Variants in NCOA2 observed in about 807,000 individuals in gnomAD.
NCOA2 encodes the protein class E basic helix-loop-helix protein 75.
A neutral mutation model predicts 145.1 loss-of-function variants in NCOA2; 21 were observed. The ratio of observed to expected loss-of-function variants is 0.14; its 90% confidence interval spans 0.10 to 0.21. The LOEUF is 0.21. Ranked by LOEUF, NCOA2 falls within the 10% of genes least tolerant of loss-of-function variation. The pLI, the probability that NCOA2 is intolerant of heterozygous loss-of-function variation, is 1.00. For missense variants in NCOA2, 1,472 were observed against 1,837.6 expected, an observed-to-expected ratio of 0.80 and a Z score of 3.64; for synonymous variants, 619 against 637.5, an observed-to-expected ratio of 0.97 and a Z score of 0.44.
chr8:70,414,541 T>A, the NCOA2 span, among the ~76,000 whole-genome samples: 1 of 152,188 alleles, frequency 6.6e-6, no homozygotes, highest in African/African-American at 2.4e-5. Context: ...CCCATCTTCA[T>A]CTATACATGT....
At chr8:70,273,795 G>C (rs998909864) in intron 2 of NCOA2, 16 of 580,318 alleles carry the variant, frequency 2.8e-5, no homozygotes, top group Non-Finnish European at 5.0e-5. Flanking sequence ...TGAAGTTCCA[G>C]ATCTTGTGGA....
At chr8:70,188,776 T>C (rs562584334) in intron 4 of NCOA2, among the ~76,000 whole-genome samples, 30 of 152,302 alleles carry the variant, frequency 2.0e-4, no homozygotes, top group Non-Finnish European at 3.2e-4. Flanking sequence ...TGTGAGAGAA[T>C]AGAAATGGAA....
chr8:70,131,935 C>G lies in NCOA2; in HGVS notation c.3226G>C (p.Glu1076Gln). The change falls in exon 16 of 23, where the codon GAG becomes CAG. Residue 1076 changes from glutamate (E) to glutamine (Q), a missense_variant. This residue lies in a region of NCOA2 where 953 missense variants were observed against 1,062.1 expected (regional missense o/e 0.90). Transcript: ENST00000452400. ...PHPAAESPSD[E>Q]GALLDQLYLA... ...TACAGCTGGTCCAGGAGAGCTCCCT[C>G]ATCACTCGGAGACTCAGCTGCAGGA... 1 of 1,611,122 alleles carries G rather than the reference C, an allele frequency of 6.2e-7. No homozygotes were observed.
intron 2 of NCOA2, among the ~76,000 whole-genome samples, chr8:70,287,670 A>G (rs971869146): frequency 6.6e-6 from 1 of 152,238 alleles, no homozygotes; most frequent in African/African-American, 2.4e-5. Flanking sequence ...ACGAAACAGC[A>G]TAATATCATT....
chr8:70,114,429 T>C (rs1220805098), intron 22 of NCOA2, among the ~76,000 whole-genome samples: 1 of 152,212 alleles, frequency 6.6e-6, no homozygotes, highest in African/African-American at 2.4e-5. Flanking sequence ...GTTTCTTTGG[T>C]TGGTGCAAAT....
intron 21 of NCOA2, among the ~76,000 whole-genome samples, chr8:70,122,254 C>T (rs936822414): frequency 1.3e-4 from 20 of 151,980 alleles, no homozygotes; most frequent in African/African-American, 4.8e-5. Context: ...TATAAACACA[C>T]GCATATATTT....
At chr8:70,384,804 G>A (rs754253063) in intron 1 of NCOA2, among the ~76,000 whole-genome samples, 7 of 152,094 alleles carry the variant, frequency 4.6e-5, no homozygotes, top group Non-Finnish European at 1.0e-4. Context: ...GAAACCACAG[G>A]AATGTAACAG....
At chr8:70,325,771 G>A (rs1160315063) in intron 1 of NCOA2, among the ~76,000 whole-genome samples, 3 of 152,038 alleles carry the variant, frequency 2.0e-5, no homozygotes, top group African/African-American at 7.2e-5. Flanking sequence ...GTTCTTTATC[G>A]AGGCTAAAAT....
intron 15 of NCOA2, among the ~76,000 whole-genome samples, chr8:70,136,233 G>A (rs1809717092): frequency 6.6e-6 from 1 of 151,890 alleles, no homozygotes; most frequent in South Asian, 2.1e-4. Flanking sequence ...AATTAGCTGG[G>A]CACCTGTAAT....
chr8:70,284,775 C>G (rs2135532849), intron 2 of NCOA2, among the ~76,000 whole-genome samples: 1 of 152,104 alleles, frequency 6.6e-6, no homozygotes, highest in Non-Finnish European at 1.5e-5. Flanking sequence ...GAAGCTTTGC[C>G]TCTACCCTCT....
chr8:70,235,902 T>C (rs1232599123), intron 2 of NCOA2, among the ~76,000 whole-genome samples: 1 of 152,212 alleles, frequency 6.6e-6, no homozygotes, highest in Non-Finnish European at 1.5e-5. Flanking sequence ...CAACTAGGAT[T>C]AAGAACTGCT....
intron 2 of NCOA2, among the ~76,000 whole-genome samples, chr8:70,239,089 T>C (rs956824368): frequency 1.3e-5 from 2 of 152,166 alleles, no homozygotes; most frequent in East Asian, 3.9e-4. Context: ...TACTGAATCC[T>C]AGGTACTCTG....
chr8:70,293,376 C>T (rs1275313410), intron 2 of NCOA2, among the ~76,000 whole-genome samples: 2 of 152,134 alleles, frequency 1.3e-5, no homozygotes, highest in African/African-American at 4.8e-5. Flanking sequence ...TGTATTTCAA[C>T]CATGTCATAT....
intron 1 of NCOA2, among the ~76,000 whole-genome samples, chr8:70,308,115 A>G (rs889011316): frequency 1.3e-5 from 2 of 152,198 alleles, no homozygotes; most frequent in African/African-American, 4.8e-5. Flanking sequence ...ATGTCTCTGA[A>G]CTGTAACTAA....
chr8:70,419,039 T>C, the NCOA2 span, among the ~76,000 whole-genome samples: 1 of 152,204 alleles, frequency 6.6e-6, no homozygotes, highest in Admixed American at 6.5e-5. Context: ...CTGAGAAGAT[T>C]TGGATCCCCA....
intron 4 of NCOA2, among the ~76,000 whole-genome samples, chr8:70,190,677 C>G (rs979105086): frequency 1.3e-5 from 2 of 152,108 alleles, no homozygotes; most frequent in African/African-American, 4.8e-5. Flanking sequence ...CATGGCAAAA[C>G]CCTGTCTCTA....
intron 1 of NCOA2, among the ~76,000 whole-genome samples, chr8:70,297,793 G>A (rs377739005): frequency 9.9e-5 from 15 of 152,158 alleles, no homozygotes; most frequent in African/African-American, 2.9e-4. Context: ...AAAGTGCTTC[G>A]CTGTAAATGA....
At chr8:70,198,840 G>C (rs1817604937) in intron 4 of NCOA2, among the ~76,000 whole-genome samples, 1 of 152,154 alleles carries the variant, frequency 6.6e-6, no homozygotes. Context: ...TCAGAAGGCA[G>C]AGGAGAAAAC....
chr8:70,451,147 G>A, the NCOA2 span, among the ~76,000 whole-genome samples: 1,675 of 147,476 alleles, frequency 0.011, 16 homozygotes, highest in South Asian at 0.039. Context: ...GAACCCGGGA[G>A]GCGGAGCTTG....
Sources: allele counts gnomAD v4.1 joint callset (sites outside exome capture counted in the v4.1 genomes callset), GRCh38; gene constraint gnomAD v4.1.1; regional missense constraint gnomAD v4.1.1; transcripts MANE v1.5; gene names NCBI Gene and HGNC (gene_info 2026-07-23, HGNC 2026-07-21).